Variants in EPN2 observed in about 807,000 individuals in gnomAD.
EPN2 encodes epsin 2, also known as epsin-2.
In EPN2, 34 loss-of-function variants were observed where a neutral mutation model predicts 61.7. The observed-to-expected ratio is 0.55, with a 90% CI of 0.42 to 0.73. The LOEUF (loss-of-function observed/expected upper bound fraction) is 0.73, where lower values mean the gene tolerates loss of function less well. Ranked by LOEUF, EPN2 falls within the 30% of genes least tolerant of loss-of-function variation. The probability of loss-of-function intolerance (pLI) is 0.00; values close to 1 mark genes in which losing one functional copy is unlikely to be tolerated. For missense variants in EPN2, 714 were observed against 839.2 expected, an observed-to-expected ratio of 0.85 and a Z score of 1.84; for synonymous variants, 349 against 353.6, an observed-to-expected ratio of 0.99 and a Z score of 0.15.
At chr17:19,300,724 C>T (rs374466658) in intron 4 of EPN2, among the ~76,000 whole-genome samples, 8 of 152,222 alleles carry the variant, frequency 5.3e-5, no homozygotes, top group Middle Eastern at 3.4e-3. Context: ...CACCGGCACC[C>T]GGCAAACTGT....
rs777154429 is a variant in EPN2 at position 19,283,653 on chromosome 17, C to T, written c.534C>T (p.Ser178=). The change falls in exon 3 of 11, where the codon TCC becomes TCT. Residue 178 remains serine (S), a synonymous_variant. Coordinates refer to ENST00000314728, the MANE Select transcript of EPN2 (RefSeq NM_014964.5). The surrounding 1 kb of genome is among the most constrained non-coding windows in gnomAD (Gnocchi z 7.0). The part of the protein sequence containing the change: ...FGRGSSQPNL[S]TSHSEQEYGK... ...GAGGCTCCAGCCAGCCCAACCTCTC[C>T]ACCAGCCACTCGGAGCAGGAGTATG... 8.1e-6 allele frequency: 13 copies of T among 1,613,996 alleles called. No individual in the cohort carries two copies. The highest frequency in any genetic ancestry group is 7.6e-6 in the Non-Finnish European group (9 of 1,179,978).
intron 5 of EPN2, 49 bp from the exon 6 acceptor site, chr17:19,312,003 C>T (rs1402109515): frequency 4.0e-6 from 5 of 1,255,672 alleles, no homozygotes; most frequent in Non-Finnish European, 5.9e-6. Flanking sequence ...TGGCTTTGTT[C>T]TGTACAGTGA....
chr17:19,307,623 G>T (rs144789371), intron 4 of EPN2, among the ~76,000 whole-genome samples: 1 of 152,208 alleles, frequency 6.6e-6, no homozygotes, highest in Admixed American at 6.5e-5. Context: ...GATTACAGGC[G>T]TGAGCCACTG....
intron 1 of EPN2, among the ~76,000 whole-genome samples, chr17:19,266,653 C>T (rs1476410766): frequency 6.6e-6 from 1 of 151,890 alleles, no homozygotes; most frequent in East Asian, 2.0e-4. Flanking sequence ...CTGCCCGCCT[C>T]GGCCTCCCAA....
intron 4 of EPN2, among the ~76,000 whole-genome samples, chr17:19,290,061 C>T (rs1023966362): frequency 3.3e-5 from 5 of 152,270 alleles, no homozygotes; most frequent in Admixed American, 2.6e-4. Flanking sequence ...TAATTTCAGA[C>T]ACACCAGCTG....
chr17:19,304,334 G>A (rs544599520), intron 4 of EPN2, among the ~76,000 whole-genome samples: 3 of 152,240 alleles, frequency 2.0e-5, no homozygotes, highest in East Asian at 3.9e-4. Flanking sequence ...TTGAGGAAGC[G>A]TTTCACTGCT....
At chr17:19,239,129 G>A (rs2044851022) in intron 1 of EPN2, among the ~76,000 whole-genome samples, 1 of 152,194 alleles carries the variant, frequency 6.6e-6, no homozygotes, top group African/African-American at 2.4e-5. Context: ...TGTTGGGGAA[G>A]CGCACCTAAA....
chr17:19,287,283 C>T (rs1183616097), intron 4 of EPN2, among the ~76,000 whole-genome samples: 2 of 152,070 alleles, frequency 1.3e-5, no homozygotes, highest in Non-Finnish European at 2.9e-5. Flanking sequence ...AAGGTATCCA[C>T]CCCGTGTGGA....
chr17:19,252,466 T>C (rs950953), intron 1 of EPN2, among the ~76,000 whole-genome samples: 6,089 of 152,214 alleles, frequency 0.04, 523 homozygotes, highest in East Asian at 0.27. Flanking sequence ...CACTTAGCTT[T>C]AACAGTTAAT....
At chr17:19,256,179 T>C (rs981192173) in intron 1 of EPN2, among the ~76,000 whole-genome samples, 4 of 152,046 alleles carry the variant, frequency 2.6e-5, no homozygotes, top group Non-Finnish European at 4.4e-5. Flanking sequence ...CCTCGTGATT[T>C]GCCCACCTTG....
intron 1 of EPN2, among the ~76,000 whole-genome samples, chr17:19,249,066 C>G (rs1227495764): frequency 1.3e-5 from 2 of 152,220 alleles, no homozygotes; most frequent in South Asian, 4.1e-4. Flanking sequence ...TGACCAGACT[C>G]TCCAGGCAGG....
At chr17:19,296,854 C>G (rs1459958660) in intron 4 of EPN2, 2 of 152,532 alleles carry the variant, frequency 1.3e-5, no homozygotes, top group East Asian at 3.9e-4. Context: ...AGCAATCCTC[C>G]TGCTGTGGCC....
Position 19,334,772 on chromosome 17 carries a change from A to G in EPN2, c.*518A>G, listed in dbSNP as rs1567873122. The G allele has an allele frequency of 6.5e-6, 1 of 153,048 alleles. No individual in the cohort carries two copies. The highest frequency in any genetic ancestry group is 1.9e-4 in the East Asian group (1 of 5,196). 9.5% of individuals were successfully genotyped at this position (153,048 alleles called of 1,614,324 possible). A position where few individuals can be genotyped will look rare whatever the true frequency, so the allele number is the denominator to read the frequency against. ...AAAGTAAACACCACCACCGTGGACAACTCTTGAATTAAATCCACTAGAGCG... is the reference window on the plus strand; with the variant it reads ...AAAGTAAACACCACCACCGTGGACAGCTCTTGAATTAAATCCACTAGAGCG... On this transcript the variant is annotated 3_prime_UTR_variant, in exon 11 of 11. Transcript: ENST00000314728. This position sits in a 1 kb window ranked among gnomAD's most constrained non-coding sequence, Gnocchi z 4.9.
intron 1 of EPN2, among the ~76,000 whole-genome samples, chr17:19,245,226 T>A (rs2044932084): frequency 6.6e-6 from 1 of 152,190 alleles, no homozygotes; most frequent in Admixed American, 6.5e-5. Context: ...AGGAAGTCTG[T>A]GTGGGCTAGT....
At position 19,275,943 on chromosome 17, in the gene EPN2, C is replaced by T. The variant is rs575797274; in HGVS notation, c.-293-6012C>T. Among the ~76,000 whole-genome samples the T allele has an allele frequency of 2.0e-5, 3 of 152,314 alleles. No individual in the cohort carries two copies. In the East Asian group the frequency reaches 5.8e-4, roughly 29 times the overall value. Reference sequence around the variant, plus strand: ...TGCATTGCTCATGGTGCTACTTCCCCAGGCCACCTCAAGCATTCAGTTTCT... The same window carrying T: ...TGCATTGCTCATGGTGCTACTTCCCTAGGCCACCTCAAGCATTCAGTTTCT... On this transcript the variant is annotated intron_variant, in intron 1 of 10. Coordinates refer to ENST00000314728, the MANE Select transcript of EPN2 (RefSeq NM_014964.5).
chr17:19,332,371 AAGAC>A (rs1454125397), intron 10 of EPN2, among the ~76,000 whole-genome samples: 1 of 152,042 alleles, frequency 6.6e-6, no homozygotes, highest in Non-Finnish European at 1.5e-5. Context: ...TGTCAGTTCT[AAGAC>A]AGGTGGAGTA....
intron 1 of EPN2, among the ~76,000 whole-genome samples, chr17:19,247,037 T>G (rs2044960509): frequency 6.6e-6 from 1 of 152,198 alleles, no homozygotes; most frequent in Non-Finnish European, 1.5e-5. Flanking sequence ...CCCAAAGTAC[T>G]GGGATTACAG....
intron 4 of EPN2, among the ~76,000 whole-genome samples, chr17:19,293,795 AGT>A (rs570704839): frequency 1.3e-3 from 196 of 152,174 alleles, no homozygotes; most frequent in African/African-American, 4.6e-3. Flanking sequence ...GAATTGAAAC[AGT>A]GCTATCAAGG....
intron 1 of EPN2, among the ~76,000 whole-genome samples, chr17:19,268,334 G>T (rs1222091675): frequency 6.6e-6 from 1 of 152,152 alleles, no homozygotes; most frequent in African/African-American, 2.4e-5. Flanking sequence ...AAAATACTTG[G>T]CAAACCTGTG....
Sources: gnomAD v4.1 joint callset for allele counts (sites outside exome capture counted in the v4.1 genomes callset) on GRCh38, gnomAD v4.1.1 for gene constraint, Gnocchi (gnomAD v3.1) non-coding constraint, MANE v1.5 for transcripts, NCBI Gene and HGNC (gene_info 2026-07-23, HGNC 2026-07-21) for gene names.